The following DYNC2H1 variants were observed in gnomAD, a reference collection of about 807,000 sequenced individuals.
The protein encoded by DYNC2H1 is dynein cytoplasmic 2 heavy chain 1, also known as cytoplasmic dynein 2 heavy chain 1.
DYNC2H1 carries 410 observed loss-of-function variants against 570.0 expected under a neutral mutation model. That is an observed-to-expected ratio of 0.72 (90% CI 0.66 to 0.78). The LOEUF (loss-of-function observed/expected upper bound fraction) is 0.78, where lower values mean the gene tolerates loss of function less well. DYNC2H1 is among the 30% of genes least tolerant of loss of function. The pLI is 0.00. For synonymous variants in DYNC2H1, 1,688 were observed against 1,677.6 expected (o/e 1.01, Z -0.15); for missense variants, 4,865 against 5,046.4 (o/e 0.96, Z 1.09).
chr11:103,345,015 T>A (rs1939666412), intron 82 of DYNC2H1, among the ~76,000 whole-genome samples: 2 of 152,222 alleles, frequency 1.3e-5, no homozygotes, highest in South Asian at 4.1e-4. Context: ...TTAGTAGTTC[T>A]ATTACGTGCA....
At chr11:103,378,222 C>T (rs1225590557) in intron 83 of DYNC2H1, among the ~76,000 whole-genome samples, 1 of 152,182 alleles carries the variant, frequency 6.6e-6, no homozygotes, top group African/African-American at 2.4e-5. Context: ...CAAATCCCTT[C>T]CTTTCACACA....
Position 103,177,711 on chromosome 11 carries a change from C to T in DYNC2H1, c.6030C>T (p.Pro2010=). 1 of 1,613,398 alleles carries T rather than the reference C, an allele frequency of 6.2e-7. No individual in the cohort carries two copies. Among genetic ancestry groups the T allele is most frequent in the Non-Finnish European group, 8.5e-7 (1 of 1,179,662 alleles). The change falls in exon 38 of 89, where the codon CCC becomes CCT. Residue 2010 remains proline, a synonymous_variant. Coordinates refer to ENST00000375735, the MANE Select transcript of DYNC2H1 (RefSeq NM_001377.3). This position sits in a 1 kb window ranked among gnomAD's most constrained non-coding sequence, Gnocchi z 4.4. ...GKVVKQYTMN[P]KAMPRYQLLG... ...TAGTGAAACAATATACTATGAATCC[C>T]AAAGCTATGCCTCGATATCAATTAT...
At chr11:103,307,896 A>G in intron 78 of DYNC2H1, 65 bp downstream of exon 78, 1 of 873,744 alleles carries the variant, frequency 1.1e-6, no homozygotes, top group Non-Finnish European at 1.8e-6. Context: ...TGACTTCTAA[A>G]ACTTTGTAAA....
At chr11:103,297,226 C>G (rs1049403284) in intron 75 of DYNC2H1, among the ~76,000 whole-genome samples, 4 of 151,948 alleles carry the variant, frequency 2.6e-5, no homozygotes, top group African/African-American at 9.7e-5. Context: ...CAGTACAGAA[C>G]TTTTGATTTT....
chr11:103,134,219 A>T, intron 14 of DYNC2H1, 102 bp from the exon 15 acceptor site: 1 of 964,770 alleles, frequency 1.0e-6, no homozygotes, highest in Non-Finnish European at 1.6e-6. Flanking sequence ...ATTAAGTTAA[A>T]CTTGATCACT....
chr11:103,384,373 C>T (rs552953201), intron 83 of DYNC2H1, among the ~76,000 whole-genome samples: 3 of 151,968 alleles, frequency 2.0e-5, no homozygotes, highest in Admixed American at 1.3e-4. Context: ...ATACTTTTAA[C>T]GTTAACTTTC....
rs1862193973 is a variant in DYNC2H1, at chr11:103,189,093, G to A, written c.7292+445G>A. Among the ~76,000 whole-genome samples, 1 of 151,938 alleles carries A rather than the reference G, an allele frequency of 6.6e-6. No homozygotes were observed. Reference sequence around the variant, plus strand: ...CATCTCCACGGGCCATAATTACAGAGACTATGGCAATATCTCCTCTGTTTA... The same window carrying A: ...CATCTCCACGGGCCATAATTACAGAAACTATGGCAATATCTCCTCTGTTTA... On this transcript the variant is annotated intron_variant, in intron 44 of 88. Coordinates refer to ENST00000375735, the MANE Select transcript of DYNC2H1 (RefSeq NM_001377.3). This position sits in a 1 kb window ranked among gnomAD's most constrained non-coding sequence, Gnocchi z 4.3.
rs1404849190 is a variant in DYNC2H1, at chr11:103,241,781, C to T, written c.9820-1912C>T. Among the ~76,000 whole-genome samples the T allele has an allele frequency of 2.0e-5, 3 of 152,110 alleles. No homozygotes were observed. The East Asian group carries it at 5.8e-4, about 29-fold the overall frequency. The stretch of plus-strand genomic sequence containing the variant: ...AAATAGATGCTGGGTGATGCTCATA[C>T]AGTGTAACGTGGCAGGAGGTATGAT... On this transcript the variant is annotated intron_variant, in intron 63 of 88. Coordinates refer to ENST00000375735, the MANE Select transcript of DYNC2H1 (RefSeq NM_001377.3). This position sits in a 1 kb window ranked among gnomAD's most constrained non-coding sequence, Gnocchi z 5.1.
chr11:103,170,138 C>G lies in DYNC2H1; in HGVS notation c.4999C>G (p.Leu1667Val). 1 of 1,612,914 alleles carries G rather than the reference C, an allele frequency of 6.2e-7. No homozygotes were observed. The highest frequency in any genetic ancestry group is 1.1e-5 in the South Asian group (1 of 90,948). The change falls in exon 33 of 89, where the codon CTG becomes GTG. Residue 1667 changes from leucine (L) to valine (V), a missense_variant. Coordinates refer to ENST00000375735, the MANE Select transcript of DYNC2H1 (RefSeq NM_001377.3). This position sits in a 1 kb window ranked among gnomAD's most constrained non-coding sequence, Gnocchi z 4.8. ...TGCTTCCAAACTGGTTTATACTCCA[C>G]TGACAGACAAGTGCTACTTAACTCT... ...GNASKLVYTP[L>V]TDKCYLTLTQ...
At chr11:103,159,061 T>C in intron 28 of DYNC2H1, 34 bp downstream of exon 28, 1 of 1,546,888 alleles carries the variant, frequency 6.5e-7, no homozygotes, top group Non-Finnish European at 8.9e-7. Context: ...AGATATTTAT[T>C]GAGTTTCAAC....
rs1243615840 is a variant in DYNC2H1, at chr11:103,321,075, T to C, written c.11772T>C (p.Asn3924=). Residue 3924 remains asparagine, a synonymous_variant, in exon 81 of 89, where the codon AAT becomes AAC. Coordinates refer to ENST00000375735, the MANE Select transcript of DYNC2H1 (RefSeq NM_001377.3). ...QWEFVHGLLE[N]AIYGGRIDNY... ...AATTTGTACATGGTTTACTTGAAAA[T>C]GCTATTTATGGAGGACGTATAGACA... is the stretch of plus-strand genomic sequence containing the variant. 4.3e-6 allele frequency: 7 copies of C among 1,612,628 alleles called. No individual in the cohort carries two copies. The highest frequency in any genetic ancestry group is 4.2e-6 in the Non-Finnish European group (5 of 1,179,356).
chr11:103,255,458 A>T lies in DYNC2H1; in HGVS notation c.10250A>T (p.Glu3417Val), dbSNP rs1865017398. The change falls in exon 67 of 89, where the codon GAA becomes GTA. Residue 3417 changes from glutamate to valine, a missense_variant. Transcript: ENST00000375735. ...TIQHEKPDLE[E>V]QKTKLLQQEE... ...CAGCATGAGAAACCTGATTTAGAAG[A>T]ACAGAAAACAAAACTATTACAACAG... 1 of 1,569,168 alleles carries T rather than the reference A, an allele frequency of 6.4e-7. No homozygotes were observed. The highest frequency in any genetic ancestry group is 2.3e-5 in the East Asian group (1 of 42,948).
chr11:103,459,958 C>CCAAAA (rs1555140355), intron 87 of DYNC2H1, among the ~76,000 whole-genome samples: 16 of 70,854 alleles, frequency 2.3e-4, no homozygotes, highest in African/African-American at 8.5e-4. Flanking sequence ...GACTCCGTCT[C>CCAAAA]AAAAAAAAAA....
intron 84 of DYNC2H1, among the ~76,000 whole-genome samples, chr11:103,434,851 A>G (rs1432823856): frequency 3.9e-5 from 6 of 152,036 alleles, no homozygotes; most frequent in African/African-American, 1.4e-4. Context: ...GCTCCACAGC[A>G]TGGTAACTGG....
intron 48 of DYNC2H1, 131 bp downstream of exon 48, chr11:103,198,194 A>C (rs1176362312): frequency 9.5e-7 from 1 of 1,052,552 alleles, no homozygotes; most frequent in Non-Finnish European, 1.3e-6. Context: ...TATCTTTTGG[A>C]ATTTAGTCCA....
chr11:103,399,530 T>C (rs1942548793), intron 83 of DYNC2H1, 133 bp from the exon 84 acceptor site: 1 of 659,614 alleles, frequency 1.5e-6, no homozygotes, highest in Non-Finnish European at 2.5e-6. Context: ...CATTTGACCG[T>C]TTATAAAATA....
rs1024990746 is a variant in DYNC2H1 at position 103,181,561 on chromosome 11, TTATGTG to T, written c.6348-190_6348-185del. On this transcript the variant is annotated intron_variant, in intron 39 of 88. Coordinates refer to ENST00000375735, the MANE Select transcript of DYNC2H1 (RefSeq NM_001377.3). The surrounding 1 kb of genome is among the most constrained non-coding windows in gnomAD (Gnocchi z 5.0). ...CTATATGCATGTGTGTTTGTATATA[TTATGTG>T]TATGTATACACACACACAGATGTAA... is the stretch of plus-strand genomic sequence containing the variant. Among the ~76,000 whole-genome samples the T allele has an allele frequency of 3.3e-5, 5 of 151,704 alleles. No individual in the cohort carries two copies. The highest frequency in any genetic ancestry group is 1.2e-4 in the African/African-American group (5 of 41,386).
chr11:103,140,222 A>G (rs1175816193), intron 17 of DYNC2H1, among the ~76,000 whole-genome samples: 3 of 152,102 alleles, frequency 2.0e-5, no homozygotes, highest in Non-Finnish European at 4.4e-5. Flanking sequence ...TTTAAAGTTA[A>G]TATTGTTATG....
At chr11:103,388,690 A>G (rs1417632981) in intron 83 of DYNC2H1, among the ~76,000 whole-genome samples, 1 of 133,506 alleles carries the variant, frequency 7.5e-6, no homozygotes, top group African/African-American at 2.7e-5. Context: ...TACCTAATTT[A>G]TTGAGAGTTT....
Sources: allele counts gnomAD v4.1 joint callset (sites outside exome capture counted in the v4.1 genomes callset), GRCh38; gene constraint gnomAD v4.1.1; non-coding constraint Gnocchi (gnomAD v3.1); transcripts MANE v1.5; gene names NCBI Gene and HGNC (gene_info 2026-07-23, HGNC 2026-07-21).